TENM3: variants seen among roughly 807,000 people sequenced by gnomAD.
The protein encoded by TENM3 is teneurin transmembrane protein 3, also known as teneurin-3.
Under a neutral mutation model 255.1 loss-of-function variants are expected in TENM3, and 63 were observed. The ratio of observed to expected loss-of-function variants is 0.25; its 90% CI spans 0.20 to 0.30. TENM3 has a LOEUF of 0.30. Ranked by LOEUF, TENM3 falls within the 10% of genes least tolerant of loss-of-function variation. TENM3 has a pLI of 1.00. For synonymous variants in TENM3, 1,306 were observed against 1,322.3 expected (o/e 0.99, Z 0.27); for missense variants, 2,929 against 3,461.1 (o/e 0.85, Z 3.86).
chr4:181,702,235 T>C, the TENM3 span, among the ~76,000 whole-genome samples: 1 of 152,194 alleles, frequency 6.6e-6, no homozygotes, highest in Non-Finnish European at 1.5e-5. Flanking sequence ...ATTCCTTCGT[T>C]TTTCTGTCCT....
At chr4:181,880,695 G>A in the TENM3 span, among the ~76,000 whole-genome samples, 2 of 152,100 alleles carry the variant, frequency 1.3e-5, no homozygotes, top group African/African-American at 4.8e-5. Flanking sequence ...TATTTGGTAA[G>A]CTCTAACTCC....
intron 3 of TENM3, chr4:182,349,949 T>G (rs190713582): frequency 1.4e-4 from 32 of 232,900 alleles, no homozygotes; most frequent in Middle Eastern, 9.0e-4. Flanking sequence ...CAGATGCTGA[T>G]GTGTTTTCAT....
intron 12 of TENM3, among the ~76,000 whole-genome samples, chr4:182,696,195 G>C (rs914272763): frequency 6.6e-6 from 1 of 152,046 alleles, no homozygotes; most frequent in African/African-American, 2.4e-5. Context: ...GACAGTAACG[G>C]CACAAATTTA....
the TENM3 span, among the ~76,000 whole-genome samples, chr4:182,008,928 G>A: frequency 3.4e-4 from 51 of 152,156 alleles, no homozygotes; most frequent in African/African-American, 1.2e-3. Flanking sequence ...TGTTTTTGTT[G>A]TTGATGATGC....
the TENM3 span, among the ~76,000 whole-genome samples, chr4:181,802,953 C>T: frequency 2.0e-3 from 301 of 152,240 alleles, 3 homozygotes; most frequent in African/African-American, 6.7e-3. Context: ...TACCAACAAA[C>T]GATGCTACAT....
At chr4:181,610,720 G>A in the TENM3 span, among the ~76,000 whole-genome samples, 2 of 152,032 alleles carry the variant, frequency 1.3e-5, no homozygotes, top group African/African-American at 4.8e-5. Context: ...GTGTGTGTGT[G>A]TCTGTGTGTG....
At chr4:182,042,907 GTA>G in the TENM3 span, among the ~76,000 whole-genome samples, 1 of 142,290 alleles carries the variant, frequency 7.0e-6, no homozygotes, top group East Asian at 2.1e-4. Flanking sequence ...GTGTGTGTGT[GTA>G]TGAAGCTGAC....
intron 3 of TENM3, among the ~76,000 whole-genome samples, chr4:182,357,931 C>A (rs1380735470): frequency 1.3e-5 from 2 of 151,344 alleles, no homozygotes; most frequent in Non-Finnish European, 3.0e-5. Context: ...CAGCTTTCTA[C>A]ATATGGCTAG....
At chr4:181,594,462 T>C in the TENM3 span, among the ~76,000 whole-genome samples, 515 of 152,250 alleles carry the variant, frequency 3.4e-3, 3 homozygotes, top group African/African-American at 0.012. Context: ...CATGAAATAT[T>C]TTATTTTCTA....
At chr4:181,512,010 G>A in the TENM3 span, among the ~76,000 whole-genome samples, 6 of 152,164 alleles carry the variant, frequency 3.9e-5, no homozygotes, top group East Asian at 1.2e-3. Flanking sequence ...TCAGCCTCAG[G>A]ATGAAGTTCG....
chr4:181,860,980 C>G, the TENM3 span, among the ~76,000 whole-genome samples: 4 of 152,140 alleles, frequency 2.6e-5, no homozygotes, highest in Admixed American at 1.3e-4. Flanking sequence ...TTCTCACAAA[C>G]AGGGGTTGAT....
chr4:181,728,767 C>G, the TENM3 span, among the ~76,000 whole-genome samples: 1 of 152,144 alleles, frequency 6.6e-6, no homozygotes, highest in Non-Finnish European at 1.5e-5. Context: ...GAATGCCTAA[C>G]CTCCTGGGAA....
intron 3 of TENM3, among the ~76,000 whole-genome samples, chr4:182,431,019 A>G (rs113799735): frequency 0.055 from 4,549 of 83,120 alleles, 222 homozygotes; most frequent in African/African-American, 0.17. Flanking sequence ...CTCTAAATAA[A>G]TAAATAAATA....
At chr4:182,711,304 C>T (rs374601758) in intron 12 of TENM3, among the ~76,000 whole-genome samples, 2 of 152,010 alleles carry the variant, frequency 1.3e-5, no homozygotes, top group East Asian at 1.9e-4. Flanking sequence ...GTTGAAATGA[C>T]GAGAGTGGAG....
the TENM3 span, among the ~76,000 whole-genome samples, chr4:181,717,561 T>A: frequency 1.3e-5 from 2 of 152,206 alleles, no homozygotes; most frequent in Non-Finnish European, 2.9e-5. Flanking sequence ...GTCTAACCAA[T>A]GTGGTATATG....
chr4:182,627,343 G>A (rs1462891334), intron 4 of TENM3, among the ~76,000 whole-genome samples: 2 of 152,100 alleles, frequency 1.3e-5, no homozygotes, highest in East Asian at 1.9e-4. Context: ...ACTCGCCAGG[G>A]ACACATACCT....
chr4:182,534,859 A>T (rs1740140416), intron 3 of TENM3, among the ~76,000 whole-genome samples: 1 of 152,256 alleles, frequency 6.6e-6, no homozygotes, highest in Non-Finnish European at 1.5e-5. Flanking sequence ...ATTGAAAATG[A>T]GGACGATCAC....
At chr4:182,264,072 G>A (rs1448696531) in intron 1 of TENM3, among the ~76,000 whole-genome samples, 1 of 152,210 alleles carries the variant, frequency 6.6e-6, no homozygotes, top group African/African-American at 2.4e-5. Flanking sequence ...TTACCAGTCA[G>A]ATTTCTGGCT....
At chr4:182,606,163 C>T (rs938697665) in intron 4 of TENM3, among the ~76,000 whole-genome samples, 2 of 152,124 alleles carry the variant, frequency 1.3e-5, no homozygotes, top group South Asian at 2.1e-4. Flanking sequence ...TAAAATAATA[C>T]TTAAAATATT....
Sources: allele counts gnomAD v4.1 joint callset (sites outside exome capture counted in the v4.1 genomes callset), GRCh38; gene constraint gnomAD v4.1.1; transcripts MANE v1.5; gene names NCBI Gene and HGNC (gene_info 2026-07-23, HGNC 2026-07-21).